The following GNAI3 variants were observed in gnomAD, a reference collection of about 807,000 sequenced individuals.
GNAI3 encodes the protein G protein subunit alpha i3, also known as guanine nucleotide-binding protein G(i) subunit alpha-3.
In GNAI3, 12 loss-of-function variants were observed where a neutral mutation model predicts 41.8. That is an observed-to-expected ratio of 0.29 (90% CI 0.18 to 0.47). The LOEUF is 0.47. Ranked by LOEUF, GNAI3 falls within the 20% of genes least tolerant of loss-of-function variation. The pLI, the probability that GNAI3 is intolerant of heterozygous loss-of-function variation, is 1.00. For missense variants in GNAI3, 360 were observed against 429.6 expected, an observed-to-expected ratio of 0.84 and a Z score of 1.43; for synonymous variants, 132 against 146.5, an observed-to-expected ratio of 0.90 and a Z score of 0.71.
rs144932361 is a variant in GNAI3, at chr1:109,576,269, A to G, written c.303+2232A>G. On this transcript the variant is annotated intron_variant, in intron 3 of 8. Coordinates refer to ENST00000369851, the MANE Select transcript of GNAI3 (RefSeq NM_006496.4). ...TTTTTAGTAGAGATGGGGTTTCGTC[A>G]TGTTGGCCAGGTTGGTCTTGAATTC... Among the ~76,000 whole-genome samples the G allele has an allele frequency of 5.2e-3, 786 of 151,988 alleles. 14 individuals are homozygous for G. The highest frequency in any genetic ancestry group is 0.018 in the African/African-American group (761 of 41,468).
rs1649218647 is a variant in GNAI3, at chr1:109,593,452, CAT to C, written c.*1131_*1132del. 3 of 152,622 alleles carry C rather than the reference CAT, an allele frequency of 2.0e-5. No individual in the cohort carries two copies. Among genetic ancestry groups the C allele is most frequent in the Non-Finnish European group, 2.9e-5 (2 of 68,030 alleles). The allele number at this position is 152,622 out of a possible 1,614,324, so 9.5% of individuals were successfully genotyped here. On this transcript the variant is annotated 3_prime_UTR_variant, in exon 9 of 9. Coordinates refer to ENST00000369851, the MANE Select transcript of GNAI3 (RefSeq NM_006496.4). ...ATTTTGGGACTTTTTTCCACTTTGTCATGTGTACATTTTTAATCTGTTATAGT... is the reference window on the plus strand; with the variant it reads ...ATTTTGGGACTTTTTTCCACTTTGTCGTGTACATTTTTAATCTGTTATAGT...
chr1:109,588,985 G>T (rs1649105078), intron 7 of GNAI3, among the ~76,000 whole-genome samples: 1 of 152,190 alleles, frequency 6.6e-6, no homozygotes, highest in Non-Finnish European at 1.5e-5. Flanking sequence ...TTCTGTCTTG[G>T]ATGCTGGTGC....
At position 109,548,744 on chromosome 1, in the gene GNAI3, A is replaced by G. The variant is rs1454860273; in HGVS notation, c.24A>G (p.Glu8=). The G allele has an allele frequency of 6.2e-7, 1 of 1,613,400 alleles. No homozygotes were observed. The highest frequency in any genetic ancestry group is 1.3e-5 in the African/African-American group (1 of 75,036). ...CCATGGGCTGCACGTTGAGCGCCGA[A>G]GACAAGGCGGCAGTGGAGCGAAGCA... MGCTLSA[E]DKAAVERSKM... The change falls in exon 1 of 9, where the codon GAA becomes GAG. Residue 8 remains glutamate (E), a synonymous_variant. Transcript: ENST00000369851.
Position 109,595,737 on chromosome 1 carries a change from A to G in GNAI3, c.*3415A>G, listed in dbSNP as rs985578489. 3 of 150,934 alleles carry G rather than the reference A, an allele frequency of 2.0e-5. No homozygotes were observed. Among genetic ancestry groups the G allele is most frequent in the African/African-American group, 7.3e-5 (3 of 40,924 alleles). 9.3% of individuals were successfully genotyped at this position (150,934 alleles called of 1,614,324 possible). ...TAGTTCTGGAATTTCCTGTTGCAGA[A>G]CTCCTTGCTGTATTGCAGTCATATA... On this transcript the variant is annotated 3_prime_UTR_variant, in exon 9 of 9. Transcript: ENST00000369851.
rs186006271 is a variant in GNAI3, at chr1:109,566,546, G to A, written c.119-7191G>A. 2.5e-4 allele frequency among the ~76,000 whole-genome samples: 38 copies of A among 152,164 alleles called. 1 individual carries two copies. The highest frequency in any genetic ancestry group is 1.2e-3 in the Admixed American group (18 of 15,290). On this transcript the variant is annotated intron_variant, in intron 1 of 8. Coordinates refer to ENST00000369851, the MANE Select transcript of GNAI3 (RefSeq NM_006496.4). ...ATTAAGTATAGTACCTTGAAAAGCC[G>A]TTTGAATGAAATGTCATTCTTTTTT...
intron 6 of GNAI3, 38 bp from the exon 7 acceptor site, chr1:109,586,691 A>G (rs761784907): frequency 2.0e-6 from 3 of 1,479,884 alleles, no homozygotes; most frequent in South Asian, 1.2e-5. Flanking sequence ...CACTTTTACT[A>G]TTTGCTACTG....
At chr1:109,574,833 T>C (rs770121561) in intron 3 of GNAI3, among the ~76,000 whole-genome samples, 54 of 152,114 alleles carry the variant, frequency 3.5e-4, no homozygotes, top group Non-Finnish European at 1.5e-4. Flanking sequence ...CATGGCGAAA[T>C]AAAAGGAAAT....
intron 6 of GNAI3, 152 bp downstream of exon 6, chr1:109,586,497 T>C (rs1038810208): frequency 1.2e-6 from 1 of 819,490 alleles, no homozygotes; most frequent in Non-Finnish European, 1.9e-6. Flanking sequence ...CTAAAAAAGA[T>C]GTTATAGCCA....
At chr1:109,560,176 C>A (rs1648267072) in intron 1 of GNAI3, among the ~76,000 whole-genome samples, 1 of 152,144 alleles carries the variant, frequency 6.6e-6, no homozygotes, top group South Asian at 2.1e-4. Context: ...TGAGATGTTA[C>A]TGTGTTTGTT....
intron 1 of GNAI3, among the ~76,000 whole-genome samples, chr1:109,565,250 CAAA>C (rs527332111): frequency 2.5e-5 from 2 of 81,234 alleles, no homozygotes. Flanking sequence ...GACTCCGTCT[CAAA>C]AAAAAAAAAA....
chr1:109,580,006 A>T (rs1258473257), intron 4 of GNAI3, among the ~76,000 whole-genome samples: 1 of 151,838 alleles, frequency 6.6e-6, no homozygotes, highest in Admixed American at 6.6e-5. Flanking sequence ...TTCAGAATGT[A>T]TTTTTTTTGT....
chr1:109,579,288 T>A lies in GNAI3; in HGVS notation c.388T>A (p.Leu130Ile). The A allele has an allele frequency of 2.5e-6, 4 of 1,613,474 alleles. No individual in the cohort carries two copies. The highest frequency in any genetic ancestry group is 2.5e-6 in the Non-Finnish European group (3 of 1,179,542). ...AGAACTAGCAGGAGTGATTAAACGG[T>A]TATGGCGAGATGGTGGGGTACAAGC... Reference protein sequence around the residue: ...TPELAGVIKRLWRDGGVQACF... With the variant: ...TPELAGVIKRIWRDGGVQACF... The change falls in exon 4 of 9, where the codon TTA becomes ATA. Residue 130 changes from leucine to isoleucine, a missense_variant. Transcript: ENST00000369851.
intron 4 of GNAI3, among the ~76,000 whole-genome samples, chr1:109,580,916 G>A (rs936712013): frequency 6.6e-6 from 1 of 152,146 alleles, no homozygotes; most frequent in Non-Finnish European, 1.5e-5. Flanking sequence ...AACGTTTCAG[G>A]ATTCTTGCCT....
chr1:109,574,132 T>C, intron 3 of GNAI3, 95 bp downstream of exon 3: 2 of 807,208 alleles, frequency 2.5e-6, no homozygotes, highest in Non-Finnish European at 2.0e-6. Context: ...GAAATGAATT[T>C]AAGCAACAAG....
chr1:109,586,624 G>C (rs1055454955), intron 6 of GNAI3, 105 bp from the exon 7 acceptor site: 2 of 807,860 alleles, frequency 2.5e-6, no homozygotes, highest in South Asian at 1.8e-5. Flanking sequence ...ACTTATTTCC[G>C]TGAATGCCAT....
intron 7 of GNAI3, among the ~76,000 whole-genome samples, chr1:109,588,278 A>T (rs1649084476): frequency 6.6e-6 from 1 of 151,664 alleles, no homozygotes; most frequent in Admixed American, 6.6e-5. Context: ...GCTACTCGGG[A>T]GGCTGAGGCA....
chr1:109,551,834 C>T (rs770393376), intron 1 of GNAI3, among the ~76,000 whole-genome samples: 11 of 152,092 alleles, frequency 7.2e-5, no homozygotes, highest in African/African-American at 2.7e-4. Flanking sequence ...GTAATTCTTC[C>T]TTTGATAACC....
chr1:109,579,301 G>T lies in GNAI3; in HGVS notation c.401G>T (p.Gly134Val). 6.2e-7 allele frequency: 1 copy of T among 1,613,664 alleles called. No homozygotes were observed. Among genetic ancestry groups the T allele is most frequent in the South Asian group, 1.1e-5 (1 of 91,030 alleles). The change falls in exon 4 of 9, where the codon GGT becomes GTT. Residue 134 changes from glycine to valine, a missense_variant. Transcript: ENST00000369851. ...GTGATTAAACGGTTATGGCGAGATG[G>T]TGGGGTACAAGCTTGCTTCAGCAGA... Reference protein sequence around the residue: ...AGVIKRLWRDGGVQACFSRSR... With the variant: ...AGVIKRLWRDVGVQACFSRSR...
At chr1:109,589,897 T>C (rs1042456834) in intron 7 of GNAI3, among the ~76,000 whole-genome samples, 10 of 152,354 alleles carry the variant, frequency 6.6e-5, no homozygotes, top group African/African-American at 2.2e-4. Flanking sequence ...AGGTGGTGAT[T>C]GCATAACATT....
Sources: allele counts gnomAD v4.1 joint callset (sites outside exome capture counted in the v4.1 genomes callset), GRCh38; gene constraint gnomAD v4.1.1; transcripts MANE v1.5; gene names NCBI Gene and HGNC (gene_info 2026-07-23, HGNC 2026-07-21).